MYLK3: variants seen among roughly 807,000 people sequenced by gnomAD.
MYLK3 encodes MLC kinase.
MYLK3 carries 55 observed loss-of-function variants against 76.3 expected under a neutral mutation model. The observed-to-expected ratio is 0.72, with a 90% CI of 0.58 to 0.90. The LOEUF is 0.90. MYLK3 is among the 40% of genes least tolerant of loss of function. The probability of loss-of-function intolerance (pLI) is 0.00; values close to 1 mark genes in which losing one functional copy is unlikely to be tolerated. For missense variants in MYLK3, 973 were observed against 1,053.6 expected, an observed-to-expected ratio of 0.92 and a Z score of 1.06; for synonymous variants, 416 against 425.4, an observed-to-expected ratio of 0.98 and a Z score of 0.27.
At chr16:46,725,774 C>T (rs538627900) in intron 8 of MYLK3, 1 of 152,286 alleles carries the variant, frequency 6.6e-6, no homozygotes, top group Admixed American at 6.5e-5. Flanking sequence ...TAAGATTAGC[C>T]TCATAAAATG....
intron 1 of MYLK3, among the ~76,000 whole-genome samples, chr16:46,745,603 G>A (rs574360599): frequency 7.8e-4 from 118 of 152,174 alleles, no homozygotes; most frequent in African/African-American, 2.7e-3. Context: ...AAAATTAGCC[G>A]GGCATGGTGG....
At chr16:46,748,378 T>C, upstream of MYLK3, 1 of 1,122,918 alleles carries the variant, frequency 8.9e-7, no homozygotes, top group Non-Finnish European at 1.2e-6. This position sits in a 1 kb window ranked among gnomAD's most constrained non-coding sequence, Gnocchi z 4.3. Flanking sequence ...TTCCTGTGCC[T>C]TTGCTTTGCT....
chr16:46,742,897 G>C (rs554180757), intron 1 of MYLK3, among the ~76,000 whole-genome samples: 1 of 152,318 alleles, frequency 6.6e-6, no homozygotes, highest in South Asian at 2.1e-4. Flanking sequence ...GGGAACTGGA[G>C]GCATGAAACA....
chr16:46,713,088 T>C (rs1966700851), intron 9 of MYLK3, among the ~76,000 whole-genome samples: 1 of 152,146 alleles, frequency 6.6e-6, no homozygotes, highest in South Asian at 2.1e-4. Context: ...AATGGGAAGT[T>C]ATTATTTAAT....
intron 1 of MYLK3, among the ~76,000 whole-genome samples, chr16:46,760,902 G>A (rs1305536267): frequency 6.6e-6 from 1 of 152,136 alleles, no homozygotes; most frequent in African/African-American, 2.4e-5. Flanking sequence ...GAGAGAGAAT[G>A]GGTAAGGGCA....
At chr16:46,724,143 A>G (rs1265801422) in intron 8 of MYLK3, among the ~76,000 whole-genome samples, 1 of 152,134 alleles carries the variant, frequency 6.6e-6, no homozygotes, top group African/African-American at 2.4e-5. Flanking sequence ...CCATTTTTAA[A>G]TTGGGTTATT....
rs550751339 is a variant in MYLK3 at position 46,719,553 on chromosome 16, G to A, written c.1985+1570C>T. On this transcript the variant is annotated intron_variant, in intron 9 of 12. Transcript: ENST00000394809. The stretch of plus-strand genomic sequence containing the variant: ...GCATGCCGTGGGCAGGAGCTCTCCA[G>A]GCGCACAGTATTCAGCACACATGTG... Among the ~76,000 whole-genome samples, 9 of 152,236 alleles carry A rather than the reference G, an allele frequency of 5.9e-5. No homozygotes were observed. The East Asian group carries it at 1.7e-3, about 29-fold the overall frequency.
chr16:46,749,637 T>C (rs1481022738), upstream of MYLK3, among the ~76,000 whole-genome samples: 2 of 152,188 alleles, frequency 1.3e-5, no homozygotes, highest in African/African-American at 2.4e-5. Context: ...TGGACCTAGC[T>C]ACTCAGGAGG....
At chr16:46,757,619 T>C (rs893322402) in intron 1 of MYLK3, 3 of 984,720 alleles carry the variant, frequency 3.0e-6, no homozygotes, top group Non-Finnish European at 3.6e-6. Flanking sequence ...CAGGATGATT[T>C]CTCTGGAAGA....
chr16:46,711,984 C>T (rs1272989530), intron 10 of MYLK3, among the ~76,000 whole-genome samples: 1 of 120,548 alleles, frequency 8.3e-6, no homozygotes, highest in Non-Finnish European at 1.6e-5. Flanking sequence ...ATGGCTCAAG[C>T]CATAATTTTT....
rs754980825 is a variant in MYLK3 at position 46,738,026 on chromosome 16, A to T, written c.686T>A (p.Val229Asp). ...AGGGAATGCCTGGGCTGGGCCAGGA[A>T]CACCATCTCCCTGGCCCGGTGAGAC... Reference protein sequence around the residue: ...AVVSPGQGDGVPGPAQAFPGH... With the variant: ...AVVSPGQGDGDPGPAQAFPGH... Residue 229 changes from valine to aspartate, a missense_variant, in exon 3 of 13, where the codon GTT becomes GAT. This residue lies in a region of MYLK3 where 641 missense variants were observed against 637.0 expected (regional missense o/e 1.01). Coordinates refer to ENST00000394809, the MANE Select transcript of MYLK3 (RefSeq NM_182493.3). 3 of 1,612,778 alleles carry T rather than the reference A, an allele frequency of 1.9e-6. No individual in the cohort carries two copies. Among genetic ancestry groups the T allele is most frequent in the Non-Finnish European group, 2.5e-6 (3 of 1,179,886 alleles).
chr16:46,717,521 A>G (rs1596750409), intron 9 of MYLK3, among the ~76,000 whole-genome samples: 2 of 150,224 alleles, frequency 1.3e-5, no homozygotes, highest in South Asian at 4.2e-4. Flanking sequence ...CTCATCTTCC[A>G]CTGTATGTTC....
intron 8 of MYLK3, chr16:46,726,244 AC>A (rs1270174527): frequency 1.3e-5 from 2 of 152,150 alleles, no homozygotes; most frequent in African/African-American, 4.8e-5. Context: ...AGTACCATAT[AC>A]TACTCAGCCA....
chr16:46,717,902 G>A (rs1468235513), intron 9 of MYLK3, among the ~76,000 whole-genome samples: 2 of 152,184 alleles, frequency 1.3e-5, no homozygotes, highest in Non-Finnish European at 1.5e-5. Flanking sequence ...CTTCTTTCTT[G>A]GTGTTCACAA....
chr16:46,710,620 C>T lies in MYLK3; in HGVS notation c.2267+17G>A. 1.2e-6 allele frequency: 2 copies of T among 1,613,834 alleles called. No individual in the cohort carries two copies. Among genetic ancestry groups the T allele is most frequent in the East Asian group, 2.2e-5 (1 of 44,876 alleles). ...CCCCATCAGAAGGGCCCATGAGTGACAAGCAATGAAAGGTACCTCTTCTCT... is the reference window on the plus strand; with the variant it reads ...CCCCATCAGAAGGGCCCATGAGTGATAAGCAATGAAAGGTACCTCTTCTCT... On this transcript the variant is annotated intron_variant, in intron 11 of 12. Transcript: ENST00000394809.
chr16:46,758,903 G>A (rs928646149), intron 1 of MYLK3, among the ~76,000 whole-genome samples: 21 of 152,200 alleles, frequency 1.4e-4, no homozygotes, highest in Non-Finnish European at 1.2e-4. Context: ...CAGGGACTCC[G>A]AGATATTCAA....
At chr16:46,714,408 G>A (rs1966715944) in intron 9 of MYLK3, among the ~76,000 whole-genome samples, 1 of 152,180 alleles carries the variant, frequency 6.6e-6, no homozygotes, top group South Asian at 2.1e-4. Context: ...GGCAGACAAA[G>A]ACTCAGCGCC....
In MYLK3 at chr16:46,732,644, C is replaced by G. The variant is rs771062238; in HGVS notation, c.1026G>C (p.Met342Ile). The part of the protein sequence containing the change: ...PPRISIHIQE[M>I]DTPGEMLMTG... ...TCATCAGCATCTCCCCAGGAGTATC[C>G]ATCTCTTGTATGTGGATGGAGATCC... The change falls in exon 4 of 13, where the codon ATG becomes ATC. Residue 342 changes from methionine to isoleucine, a missense_variant. By Grantham distance (10) the Met-to-Ile change is conservative. Transcript: ENST00000394809. 2.1e-5 allele frequency: 32 copies of G among 1,538,176 alleles called. No individual in the cohort carries two copies. The Middle Eastern group carries it at 8.6e-4, about 41-fold the overall frequency.
At chr16:46,731,180 C>A (rs1966851813) in intron 4 of MYLK3, among the ~76,000 whole-genome samples, 1 of 152,208 alleles carries the variant, frequency 6.6e-6, no homozygotes, top group Non-Finnish European at 1.5e-5. Context: ...GCCAGCTGAG[C>A]CCAACCAGAA....
Sources: allele counts gnomAD v4.1 joint callset (sites outside exome capture counted in the v4.1 genomes callset), GRCh38; gene constraint gnomAD v4.1.1; regional missense constraint gnomAD v4.1.1; non-coding constraint Gnocchi (gnomAD v3.1); transcripts MANE v1.5; gene names NCBI Gene and HGNC (gene_info 2026-07-23, HGNC 2026-07-21).